The following RAB3IP variants were observed in gnomAD, a reference collection of about 807,000 sequenced individuals.
RAB3IP encodes the protein RAB3A interacting protein.
In RAB3IP, 36 loss-of-function variants were observed where a neutral mutation model predicts 59.1. The observed-to-expected ratio is 0.61, with a 90% CI of 0.47 to 0.80. The LOEUF is 0.80. Among genes scored for constraint, RAB3IP ranks in the 30% least tolerant of loss-of-function variants. RAB3IP has a pLI of 0.00. For synonymous variants in RAB3IP, 207 were observed against 191.2 expected (o/e 1.08, Z -0.68); for missense variants, 511 against 536.0 (o/e 0.95, Z 0.46).
At chr12:69,783,060 A>C (rs1391522126) in intron 3 of RAB3IP, among the ~76,000 whole-genome samples, 1 of 152,178 alleles carries the variant, frequency 6.6e-6, no homozygotes, top group Non-Finnish European at 1.5e-5. Context: ...TTTCCCTTGT[A>C]GGTGACTTGG....
chr12:69,784,778 G>A lies in RAB3IP; in HGVS notation c.569G>A (p.Gly190Glu). 2.5e-6 allele frequency: 4 copies of A among 1,610,180 alleles called. No homozygotes were observed. The highest frequency in any genetic ancestry group is 3.4e-6 in the Non-Finnish European group (4 of 1,177,694). Residue 190 changes from glycine (G) to glutamate (E), a missense_variant, in exon 4 of 11, where the codon GGA becomes GAA. Transcript: ENST00000247833. ...ERLSKVRDQL[G>E]QELEELTASL... ...CTTTCAAAAGTGCGAGATCAACTTG[G>A]ACAGGAATTGGAAGAACTCACAGCT...
chr12:69,756,521 C>T lies in RAB3IP; in HGVS notation c.368C>T (p.Thr123Ile). 6.2e-7 allele frequency: 1 copy of T among 1,614,086 alleles called. No individual in the cohort carries two copies. The highest frequency in any genetic ancestry group is 8.5e-7 in the Non-Finnish European group (1 of 1,180,010). Residue 123 changes from threonine (T) to isoleucine (I), a missense_variant, in exon 3 of 11, where the codon ACT becomes ATT. Thr to Ile is a moderately conservative substitution (Grantham distance 89). Coordinates refer to ENST00000247833, the MANE Select transcript of RAB3IP (RefSeq NM_022456.5). ...GAGAGAGAGTTTTTACAGGGTGCTA[C>T]TATAACAGAGGCTTGCGATGGCAGT... ...NAEREFLQGA[T>I]ITEACDGSDD...
At chr12:69,738,757 ATGCCGGGCTCGCCCCGCCCC>A (rs963753665), upstream of RAB3IP, 3 of 151,626 alleles carry the variant, frequency 2.0e-5, no homozygotes, top group Non-Finnish European at 4.4e-5. Flanking sequence ...CCCAGGCCCC[ATGCCGGGCTCGCCCCGCCCC>A]TGCCGGCCAC....
chr12:69,818,928 A>C lies in RAB3IP; in HGVS notation c.*3482A>C, dbSNP rs919710049. On this transcript the variant is annotated 3_prime_UTR_variant, in exon 11 of 11. Transcript: ENST00000247833. ...ATTTGTCATTAAAAGTAAGTACATG[A>C]GCTGGGTGTAGTGGTGCGTGCTTAT... is the stretch of plus-strand genomic sequence containing the variant. The C allele has an allele frequency of 2.0e-5, 3 of 152,076 alleles. No individual in the cohort carries two copies. The highest frequency in any genetic ancestry group is 7.2e-5 in the African/African-American group (3 of 41,396). The allele number at this position is 152,076 out of a possible 1,614,324, so 9.4% of individuals were successfully genotyped here.
Position 69,784,707 on chromosome 12 carries a change from C to G in RAB3IP, c.511-13C>G. On this transcript the variant is annotated splice_polypyrimidine_tract_variant and intron_variant, in intron 3 of 10. Transcript: ENST00000247833. ...CTATGGAGATCCAAAATAAAATTAT[C>G]AATTTCTCTTAGGAACTGAAGTTAA... 1 of 1,528,092 alleles carries G rather than the reference C, an allele frequency of 6.5e-7. No individual in the cohort carries two copies. The highest frequency in any genetic ancestry group is 9.0e-7 in the Non-Finnish European group (1 of 1,110,780). The allele number at this position is 1,528,092 out of a possible 1,614,324, so 94.7% of individuals were successfully genotyped here. A position where few individuals can be genotyped will look rare whatever the true frequency, so the allele number is the denominator to read the frequency against.
intron 3 of RAB3IP, among the ~76,000 whole-genome samples, chr12:69,783,410 C>G (rs1171676770): frequency 6.6e-6 from 1 of 152,192 alleles, no homozygotes; most frequent in African/African-American, 2.4e-5. Context: ...ACTCCCTTCC[C>G]TCTTTATATC....
At chr12:69,779,776 T>G (rs2136191645) in intron 3 of RAB3IP, among the ~76,000 whole-genome samples, 1 of 152,316 alleles carries the variant, frequency 6.6e-6, no homozygotes, top group South Asian at 2.1e-4. Flanking sequence ...CTGATGATCC[T>G]TAACACAGCT....
chr12:69,754,343 GCA>G (rs57626649), intron 1 of RAB3IP, among the ~76,000 whole-genome samples: 37 of 132,816 alleles, frequency 2.8e-4, no homozygotes, highest in South Asian at 9.6e-4. Context: ...AGATACACGG[GCA>G]CACACACACA....
At chr12:69,783,711 T>C (rs796292242) in intron 3 of RAB3IP, among the ~76,000 whole-genome samples, 18 of 152,336 alleles carry the variant, frequency 1.2e-4, no homozygotes, top group African/African-American at 4.3e-4. Flanking sequence ...CCTGTGCTTG[T>C]GGAGTATTTC....
At chr12:69,801,247 C>G (rs1005704925) in intron 7 of RAB3IP, among the ~76,000 whole-genome samples, 1 of 151,936 alleles carries the variant, frequency 6.6e-6, no homozygotes, top group African/African-American at 2.4e-5. Flanking sequence ...TATAAATGAC[C>G]AATGTTTAAA....
intron 1 of RAB3IP, chr12:69,739,879 T>G (rs369350133): frequency 3.7e-6 from 6 of 1,613,776 alleles, no homozygotes; most frequent in Non-Finnish European, 5.1e-6. Context: ...GGTAAGGTCT[T>G]GAAAGACACG....
intron 1 of RAB3IP, among the ~76,000 whole-genome samples, chr12:69,740,229 C>T (rs1379128940): frequency 6.6e-6 from 1 of 152,020 alleles, no homozygotes; most frequent in African/African-American, 2.4e-5. Flanking sequence ...GGTTGTAGAC[C>T]AATCGTAGTA....
rs574625393 is a variant in RAB3IP at position 69,807,283 on chromosome 12, G to T, written c.1131-5495G>T. On this transcript the variant is annotated intron_variant, in intron 8 of 10. Transcript: ENST00000247833. ...CCTCACCTCCCAGACGGGGCAGCCG[G>T]GCAGAGGCGCTCCTCACCTCCCAGA... Among the ~76,000 whole-genome samples the T allele has an allele frequency of 5.0e-3, 737 of 147,520 alleles. 5 individuals are homozygous for T. Among genetic ancestry groups the T allele is most frequent in the African/African-American group, 0.018 (697 of 39,600 alleles).
intron 3 of RAB3IP, among the ~76,000 whole-genome samples, chr12:69,767,333 G>C (rs1214454056): frequency 6.6e-6 from 1 of 152,210 alleles, no homozygotes; most frequent in Non-Finnish European, 1.5e-5. Context: ...ATAAGAGTCA[G>C]CTGTAGCCAA....
chr12:69,760,225 C>T (rs937700139), intron 3 of RAB3IP, among the ~76,000 whole-genome samples: 15 of 152,254 alleles, frequency 9.9e-5, no homozygotes, highest in African/African-American at 2.7e-4. Context: ...CAAAAAAATA[C>T]GAAAACCAGT....
intron 1 of RAB3IP, among the ~76,000 whole-genome samples, chr12:69,745,908 T>C (rs1455622022): frequency 6.6e-6 from 1 of 152,254 alleles, no homozygotes; most frequent in Non-Finnish European, 1.5e-5. Flanking sequence ...ATACTAGCTC[T>C]GTTACTTTTT....
At chr12:69,751,528 C>T (rs926887374) in intron 1 of RAB3IP, among the ~76,000 whole-genome samples, 2 of 151,938 alleles carry the variant, frequency 1.3e-5, no homozygotes, top group Admixed American at 1.3e-4. Context: ...AAAATTTAGG[C>T]CTCTAGGATT....
In RAB3IP at chr12:69,799,918, T is replaced by TC. The variant is rs201597339; in HGVS notation, c.889-291_889-290insC. ...GCTCAGAGTGAGGATAATAGTAGTG[T>TC]TATTGAACATGGTAGTGAATGATGC... is the stretch of plus-strand genomic sequence containing the variant. On this transcript the variant is annotated intron_variant, in intron 6 of 10. Coordinates refer to ENST00000247833, the MANE Select transcript of RAB3IP (RefSeq NM_022456.5). 4.8e-3 allele frequency among the ~76,000 whole-genome samples: 726 copies of TC among 152,276 alleles called. 5 individuals carry two copies. Among genetic ancestry groups the TC allele is most frequent in the African/African-American group, 0.016 (667 of 41,548 alleles).
At chr12:69,795,418 AT>A (rs1673229584) in intron 6 of RAB3IP, 74 bp downstream of exon 6, 2 of 1,298,228 alleles carry the variant, frequency 1.5e-6, no homozygotes, top group African/African-American at 1.5e-5. Flanking sequence ...GTCAGTTATC[AT>A]TTTTGCCAGC....
Sources: gnomAD v4.1 joint callset for allele counts (sites outside exome capture counted in the v4.1 genomes callset) on GRCh38, gnomAD v4.1.1 for gene constraint, MANE v1.5 for transcripts, NCBI Gene and HGNC (gene_info 2026-07-23, HGNC 2026-07-21) for gene names.